The following CABIN1 variants were observed in gnomAD, a reference collection of about 807,000 sequenced individuals.
CABIN1 encodes the protein calcineurin-binding protein cabin-1.
A neutral mutation model predicts 227.7 loss-of-function variants in CABIN1; 133 were observed. That is an observed-to-expected ratio of 0.58 (90% confidence interval 0.51 to 0.67). CABIN1 has a LOEUF of 0.67. Ranked by LOEUF, CABIN1 falls within the 30% of genes least tolerant of loss-of-function variation. CABIN1 has a pLI of 0.00. For synonymous variants in CABIN1, 1,086 were observed against 1,155.1 expected, an observed-to-expected ratio of 0.94 and a Z score of 1.21; for missense variants, 2,408 against 2,852.5, an observed-to-expected ratio of 0.84 and a Z score of 3.55.
intron 1 of CABIN1, among the ~76,000 whole-genome samples, chr22:24,028,729 G>T (rs759565519): frequency 1.3e-5 from 2 of 152,042 alleles, no homozygotes; most frequent in Non-Finnish European, 2.9e-5. Context: ...TTGACTTGTG[G>T]TACTTCTCCC....
At chr22:24,024,681 T>A (rs1334128989) in intron 1 of CABIN1, among the ~76,000 whole-genome samples, 1 of 152,220 alleles carries the variant, frequency 6.6e-6, no homozygotes, top group African/African-American at 2.4e-5. Context: ...ATCCCCCATA[T>A]GTCCGTATGT....
chr22:24,012,351 A>C (rs2034882557), intron 1 of CABIN1, among the ~76,000 whole-genome samples: 1 of 152,182 alleles, frequency 6.6e-6, no homozygotes, highest in Non-Finnish European at 1.5e-5. Flanking sequence ...AAAAATGTAA[A>C]AACCATTCTT....
rs2034792706 is a variant in CABIN1 at position 24,011,363 on chromosome 22, GC to G, written c.-77del. 4 of 152,932 alleles carry G rather than the reference GC, an allele frequency of 2.6e-5. No individual in the cohort carries two copies. The highest frequency in any genetic ancestry group is 5.8e-5 in the Non-Finnish European group (4 of 68,658). The allele number at this position is 152,932 out of a possible 1,614,324, so 9.5% of individuals were successfully genotyped here. On this transcript the variant is annotated 5_prime_UTR_variant, in exon 1 of 37. Transcript: ENST00000263119. The stretch of plus-strand genomic sequence containing the variant: ...ACAGACTGGCCGTTGCTGTGGAGAC[GC>G]CTGGTGAGTTCCTGGAAGGCTGGTT...
At chr22:24,031,099 G>GACCT (rs1176191427) in intron 1 of CABIN1, among the ~76,000 whole-genome samples, 5 of 152,196 alleles carry the variant, frequency 3.3e-5, no homozygotes, top group Non-Finnish European at 7.3e-5. Context: ...GCCACACAGA[G>GACCT]ACCTGATCCT....
intron 1 of CABIN1, among the ~76,000 whole-genome samples, chr22:24,015,468 C>G (rs2035203275): frequency 6.6e-6 from 1 of 151,074 alleles, no homozygotes; most frequent in Non-Finnish European, 1.5e-5. Context: ...CCTGAGCCTC[C>G]CGAGTAGCTG....
At chr22:24,036,265 C>G in intron 3 of CABIN1, 84 bp downstream of exon 3, 1 of 954,840 alleles carries the variant, frequency 1.0e-6, no homozygotes, top group Non-Finnish European at 1.7e-6. Flanking sequence ...TAGGCATCTC[C>G]TCAGTGGGGC....
rs548724085 is a variant in CABIN1 at position 24,054,305 on chromosome 22, A to ACACAC, written c.807-560_807-556dup. Among the ~76,000 whole-genome samples the ACACAC allele has an allele frequency of 4.2e-3, 641 of 152,278 alleles. 7 individuals carry two copies. The highest frequency in any genetic ancestry group is 0.015 in the African/African-American group (616 of 41,540). ...AAAACAATAGACAGCACACAATATA[A>ACACAC]CACACCACACCATACCACAACAAAA... On this transcript the variant is annotated intron_variant, in intron 8 of 36. Transcript: ENST00000263119.
intron 12 of CABIN1, among the ~76,000 whole-genome samples, chr22:24,061,132 T>C (rs1682050794): frequency 6.6e-6 from 1 of 152,184 alleles, no homozygotes. Flanking sequence ...AATAGCGTGC[T>C]TAGAGAAGCT....
In CABIN1 at chr22:24,154,079, C is replaced by G. The variant is rs1474635755; in HGVS notation, c.4747-10321C>G. Among the ~76,000 whole-genome samples, 4 of 152,172 alleles carry G rather than the reference C, an allele frequency of 2.6e-5. No individual in the cohort carries two copies. In the East Asian group the frequency reaches 7.7e-4, roughly 29 times the overall value. On this transcript the variant is annotated intron_variant, in intron 29 of 36. Transcript: ENST00000263119. ...AGAGCTAGGTGCTGCCCGTGATGGA[C>G]CTGGAGGCCTCTGGGATGCAGGGGA...
intron 29 of CABIN1, among the ~76,000 whole-genome samples, chr22:24,157,861 G>A (rs1350135486): frequency 1.3e-5 from 2 of 152,134 alleles, no homozygotes; most frequent in East Asian, 1.9e-4. Context: ...TGGGGGGGCG[G>A]GGAGGCCCCT....
chr22:24,060,726 C>T (rs765551520), intron 12 of CABIN1, among the ~76,000 whole-genome samples: 5 of 152,056 alleles, frequency 3.3e-5, no homozygotes, highest in Non-Finnish European at 7.4e-5. Context: ...GTCCTCCCAC[C>T]TCAGCCTTCA....
Position 24,171,893 on chromosome 22 carries a change from C to T in CABIN1, c.5938C>T (p.Pro1980Ser). ...LAAATTIITC[P>S]PSASASTLDQ... ...TGCCGCCACAACTATTATCACCTGC[C>T]CTCCGTCAGCATCAGCTTCCACCCT... Residue 1980 changes from proline to serine, a missense_variant, in exon 34 of 37, where the codon CCT becomes TCT. This residue lies in a region of CABIN1 where 714 missense variants were observed against 773.8 expected (regional missense o/e 0.92). Transcript: ENST00000263119. 6.2e-7 allele frequency: 1 copy of T among 1,614,116 alleles called. No homozygotes were observed. The highest frequency in any genetic ancestry group is 8.5e-7 in the Non-Finnish European group (1 of 1,180,054).
intron 34 of CABIN1, 133 bp downstream of exon 34, chr22:24,172,128 G>A: frequency 8.8e-7 from 1 of 1,136,924 alleles, no homozygotes; most frequent in Non-Finnish European, 1.2e-6. Context: ...AGGGTGGCGG[G>A]GCAGGTGACC....
At position 24,171,988 on chromosome 22, in the gene CABIN1, GGGCCCA is replaced by G; in HGVS notation, c.6036_6040+1del. On this transcript the variant is annotated inframe_deletion and splice_region_variant, in exon 34 of 37. Coordinates refer to ENST00000263119, the MANE Select transcript of CABIN1 (RefSeq NM_012295.4). ...AAGCTACCCCCAGCATGGCCTCTCT[GGGCCCA>G]GGTGAGTCCCATCCCAGTCCAGAGC... 1.2e-6 allele frequency: 2 copies of G among 1,610,554 alleles called. No individual in the cohort carries two copies. Among genetic ancestry groups the G allele is most frequent in the Non-Finnish European group, 1.7e-6 (2 of 1,179,726 alleles).
intron 29 of CABIN1, chr22:24,155,725 G>C: frequency 3.1e-6 from 1 of 325,024 alleles, no homozygotes; most frequent in Non-Finnish European, 5.6e-6. Flanking sequence ...GCAGAGGGGG[G>C]ATATAACCCT....
chr22:24,057,320 G>A (rs1186736506), intron 10 of CABIN1, among the ~76,000 whole-genome samples: 4 of 152,150 alleles, frequency 2.6e-5, no homozygotes, highest in African/African-American at 4.8e-5. Flanking sequence ...GGAGTTTATG[G>A]TGCCAGTGGG....
chr22:24,116,151 A>T (rs986506095), intron 27 of CABIN1, among the ~76,000 whole-genome samples: 5 of 152,208 alleles, frequency 3.3e-5, no homozygotes, highest in Admixed American at 1.3e-4. Flanking sequence ...TGACTGTTGC[A>T]GCTAGCGGAA....
chr22:24,164,432 C>T lies in CABIN1; in HGVS notation c.4779C>T (p.Asp1593=). The part of the protein sequence containing the change: ...GIWRIPVDEI[D]RPGSFAWHMN... ...GGCGGATCCCCGTGGACGAGATTGA[C>T]CGGCCGGGCAGCTTTGCCTGGCACA... is the stretch of plus-strand genomic sequence containing the variant. Residue 1593 remains aspartate, a synonymous_variant, in exon 30 of 37, where the codon GAC becomes GAT. Transcript: ENST00000263119. The T allele has an allele frequency of 1.2e-6, 2 of 1,605,042 alleles. No individual in the cohort carries two copies. The highest frequency in any genetic ancestry group is 2.7e-5 in the African/African-American group (2 of 75,034).
Position 24,036,142 on chromosome 22 carries a change from A to ATC in CABIN1, c.57_58insTC (p.Phe21AlafsTer62), listed in dbSNP as rs772758769. The ATC allele has an allele frequency of 3.7e-6, 6 of 1,613,854 alleles. No homozygotes were observed. The highest frequency in any genetic ancestry group is 5.1e-6 in the Non-Finnish European group (6 of 1,179,836). On this transcript the variant is annotated frameshift_variant, in exon 3 of 37. Transcript: ENST00000263119. LOFTEE classifies it high-confidence loss of function. ...CCACCATTGAGGATGATCATGAAGG[A>ATC]AGCTTTAAAAGTCACAAAACCCAGA...
Sources: allele counts gnomAD v4.1 joint callset (sites outside exome capture counted in the v4.1 genomes callset), GRCh38; gene constraint gnomAD v4.1.1; regional missense constraint gnomAD v4.1.1; transcripts MANE v1.5; gene names NCBI Gene and HGNC (gene_info 2026-07-23, HGNC 2026-07-21).